EIF4ENIF1: variants seen among roughly 807,000 people sequenced by gnomAD.
EIF4ENIF1 encodes the protein eukaryotic translation initiation factor 4E nuclear import factor 1.
A neutral mutation model predicts 110.5 loss-of-function variants in EIF4ENIF1; 23 were observed. That is an observed-to-expected ratio of 0.21 (90% confidence interval 0.15 to 0.29). The LOEUF is 0.29. Ranked by LOEUF, EIF4ENIF1 falls within the 10% of genes least tolerant of loss-of-function variation. The pLI is 1.00. For synonymous variants in EIF4ENIF1, 440 were observed against 437.0 expected (o/e 1.01, Z -0.09); for missense variants, 1,031 against 1,221.1 (o/e 0.84, Z 2.32).
chr22:31,447,203 A>C (rs1459079789), intron 14 of EIF4ENIF1, among the ~76,000 whole-genome samples: 1 of 152,230 alleles, frequency 6.6e-6, no homozygotes, highest in East Asian at 1.9e-4. Flanking sequence ...TCAAGAACGG[A>C]AATAAAACCA....
chr22:31,470,745 C>T (rs899138209), intron 3 of EIF4ENIF1, among the ~76,000 whole-genome samples: 1 of 143,426 alleles, frequency 7.0e-6, no homozygotes, highest in African/African-American at 2.6e-5. Context: ...TGCAGTGACA[C>T]AATCATAATT....
At chr22:31,449,604 A>C in intron 11 of EIF4ENIF1, 73 bp from the exon 12 acceptor site, 1 of 1,426,500 alleles carries the variant, frequency 7.0e-7, no homozygotes, top group Non-Finnish European at 9.5e-7. Context: ...TTATGGATTA[A>C]CTTTTGAGAG....
chr22:31,477,709 G>C (rs768998999), intron 2 of EIF4ENIF1, among the ~76,000 whole-genome samples: 2 of 152,166 alleles, frequency 1.3e-5, no homozygotes, highest in Non-Finnish European at 2.9e-5. Flanking sequence ...GCGCACTTTT[G>C]ACCAAATACA....
intron 3 of EIF4ENIF1, 30 bp from the exon 4 acceptor site, chr22:31,468,332 C>T (rs2051258627): frequency 6.2e-7 from 1 of 1,613,836 alleles, no homozygotes; most frequent in African/African-American, 1.3e-5. Flanking sequence ...ACTGTTAGCA[C>T]TTACGCCCAT....
In EIF4ENIF1 at chr22:31,450,374, A is replaced by T. The variant is rs767096438; in HGVS notation, c.1513-14T>A. 4 of 1,610,912 alleles carry T rather than the reference A, an allele frequency of 2.5e-6. No homozygotes were observed. The highest frequency in any genetic ancestry group is 3.4e-6 in the Non-Finnish European group (4 of 1,177,498). On this transcript the variant is annotated splice_polypyrimidine_tract_variant and intron_variant, in intron 10 of 18. Transcript: ENST00000330125. ...TTCAAGGTTTCGCTAAAAGAGTCAA[A>T]AGAAAACTGGTTTTAACTTTCTTAA...
chr22:31,461,103 A>G (rs1244491743), intron 6 of EIF4ENIF1, among the ~76,000 whole-genome samples: 5 of 152,212 alleles, frequency 3.3e-5, no homozygotes, highest in Non-Finnish European at 5.9e-5. Flanking sequence ...TGTGTTCTTC[A>G]ATGCTAAAGG....
intron 11 of EIF4ENIF1, among the ~76,000 whole-genome samples, chr22:31,449,842 C>T (rs5994398): frequency 5.5e-4 from 84 of 151,710 alleles, no homozygotes; most frequent in African/African-American, 1.8e-3. Context: ...GCGATTCTCA[C>T]GCCTCAGCCT....
intron 6 of EIF4ENIF1, among the ~76,000 whole-genome samples, chr22:31,460,781 C>T (rs1167915532): frequency 1.3e-5 from 2 of 151,912 alleles, no homozygotes; most frequent in Non-Finnish European, 2.9e-5. Flanking sequence ...CCCATCTCTA[C>T]TAAAAATACA....
At chr22:31,490,052 A>C (rs975758314), upstream of EIF4ENIF1, 6 of 152,284 alleles carry the variant, frequency 3.9e-5, no homozygotes, top group Non-Finnish European at 5.9e-5. Flanking sequence ...GGCGAGGAGG[A>C]GGCCACGGTG....
chr22:31,450,465 G>A, intron 10 of EIF4ENIF1, 105 bp from the exon 11 acceptor site: 2 of 829,998 alleles, frequency 2.4e-6, no homozygotes, highest in Non-Finnish European at 4.0e-6. Flanking sequence ...GGAGTTAATA[G>A]CAGAATGATA....
At chr22:31,471,500 G>A (rs1329842351) in intron 3 of EIF4ENIF1, among the ~76,000 whole-genome samples, 11 of 152,124 alleles carry the variant, frequency 7.2e-5, no homozygotes, top group Admixed American at 3.9e-4. Context: ...ATTTTTAGTA[G>A]AGATGGGGTT....
chr22:31,448,996 C>T (rs1355610736), intron 12 of EIF4ENIF1, among the ~76,000 whole-genome samples: 1 of 152,110 alleles, frequency 6.6e-6, no homozygotes, highest in African/African-American at 2.4e-5. Context: ...GTTTGGTACC[C>T]CATCCCCCAA....
chr22:31,451,664 C>CTTTTTTTTTTTTTTTTTTT (rs554930183), intron 10 of EIF4ENIF1, among the ~76,000 whole-genome samples: 1 of 139,456 alleles, frequency 7.2e-6, no homozygotes. Flanking sequence ...GTAGTGGTTA[C>CTTTTTTTTTTTTTTTTTTT]TTTTTTTTTT....
chr22:31,440,222 A>G, intron 18 of EIF4ENIF1, 101 bp from the exon 19 acceptor site: 1 of 1,550,366 alleles, frequency 6.5e-7, no homozygotes, highest in Admixed American at 1.9e-5. Context: ...TTACTAGAGG[A>G]TTTTTTCTAG....
rs2050227918 is a variant in EIF4ENIF1, at chr22:31,439,532, G to A, written c.*348C>T. 1 of 218,734 alleles carries A rather than the reference G, an allele frequency of 4.6e-6. No homozygotes were observed. The allele number at this position is 218,734 out of a possible 1,614,324, so 13.5% of individuals were successfully genotyped here. On this transcript the variant is annotated 3_prime_UTR_variant, in exon 19 of 19. Coordinates refer to ENST00000330125, the MANE Select transcript of EIF4ENIF1 (RefSeq NM_019843.4). ...TATCCTATATGTATATACAAAAGTT[G>A]TTTATACACAGGTCTGTACATAAGG...
intron 2 of EIF4ENIF1, among the ~76,000 whole-genome samples, chr22:31,486,747 G>T (rs1014006923): frequency 2.0e-5 from 3 of 152,074 alleles, no homozygotes; most frequent in Non-Finnish European, 4.4e-5. Context: ...ATTGCACTCT[G>T]GTGATAGAGC....
At chr22:31,457,102 A>G (rs2050854475) in intron 7 of EIF4ENIF1, among the ~76,000 whole-genome samples, 2 of 152,252 alleles carry the variant, frequency 1.3e-5, no homozygotes, top group Non-Finnish European at 2.9e-5. Context: ...CAGAGCTCAT[A>G]AAGACTGTAA....
At chr22:31,490,592 G>A (rs1204729014), upstream of EIF4ENIF1, among the ~76,000 whole-genome samples, 1 of 152,206 alleles carries the variant, frequency 6.6e-6, no homozygotes, top group Non-Finnish European at 1.5e-5. Context: ...TCCTTAGCCT[G>A]CACAGAAAGG....
chr22:31,450,785 CAT>C (rs1201868374), intron 10 of EIF4ENIF1: 10 of 225,220 alleles, frequency 4.4e-5, no homozygotes, highest in South Asian at 1.3e-4. Context: ...TATACACACA[CAT>C]ATACACATAT....
Sources: allele counts gnomAD v4.1 joint callset (sites outside exome capture counted in the v4.1 genomes callset), GRCh38; gene constraint gnomAD v4.1.1; transcripts MANE v1.5; gene names NCBI Gene and HGNC (gene_info 2026-07-23, HGNC 2026-07-21).